PGR: variants seen among roughly 807,000 people sequenced by gnomAD.
The protein encoded by PGR is progesterone receptor.
PGR carries 25 observed loss-of-function variants against 76.1 expected under a neutral mutation model. That is an observed-to-expected ratio of 0.33 (90% confidence interval 0.24 to 0.46). PGR has a LOEUF of 0.46. Among genes scored for constraint, PGR ranks in the 20% least tolerant of loss-of-function variants. The pLI is 1.00. For synonymous variants in PGR, 579 were observed against 535.0 expected, an observed-to-expected ratio of 1.08 and a Z score of -1.14; for missense variants, 1,172 against 1,225.3, an observed-to-expected ratio of 0.96 and a Z score of 0.65.
chr11:101,113,502 C>T (rs886939425), intron 2 of PGR, among the ~76,000 whole-genome samples: 6 of 151,770 alleles, frequency 4.0e-5, no homozygotes, highest in East Asian at 1.9e-4. Flanking sequence ...GATCTCCTGA[C>T]CTCGTGATCT....
At chr11:101,093,713 C>T (rs1246977970) in intron 2 of PGR, among the ~76,000 whole-genome samples, 1 of 152,156 alleles carries the variant, frequency 6.6e-6, no homozygotes, top group Non-Finnish European at 1.5e-5. Flanking sequence ...CCCGCCTTGG[C>T]CTCCCAAAGT....
chr11:101,047,294 G>A (rs1859922554), intron 6 of PGR, among the ~76,000 whole-genome samples: 2 of 152,120 alleles, frequency 1.3e-5, no homozygotes, highest in African/African-American at 4.8e-5. Flanking sequence ...AAGGATATAA[G>A]CCAGTTTGGA....
chr11:101,126,187 T>G (rs1254966690), intron 1 of PGR, 29 bp from the exon 2 acceptor site: 1 of 1,609,588 alleles, frequency 6.2e-7, no homozygotes, highest in Non-Finnish European at 8.5e-7. Flanking sequence ...GTACTCCATT[T>G]ATTTTTAAGT....
chr11:101,103,328 T>C (rs939448343), intron 2 of PGR, among the ~76,000 whole-genome samples: 6 of 152,048 alleles, frequency 3.9e-5, no homozygotes, highest in East Asian at 1.9e-4. Flanking sequence ...CAGAATATAC[T>C]GGCTAGAGAA....
intron 2 of PGR, among the ~76,000 whole-genome samples, chr11:101,119,635 AG>A (rs781632131): frequency 6.6e-6 from 1 of 152,186 alleles, no homozygotes; most frequent in Non-Finnish European, 1.5e-5. Context: ...TTTTAAAAAA[AG>A]GTTGGCTGAG....
intron 2 of PGR, among the ~76,000 whole-genome samples, chr11:101,124,315 G>A (rs1381894905): frequency 6.6e-6 from 1 of 152,100 alleles, no homozygotes; most frequent in Non-Finnish European, 1.5e-5. Flanking sequence ...TTTAGTTAGG[G>A]TGCTCTTTGT....
chr11:101,094,745 G>A (rs776845607), intron 2 of PGR, among the ~76,000 whole-genome samples: 10 of 152,146 alleles, frequency 6.6e-5, no homozygotes, highest in Non-Finnish European at 1.3e-4. Context: ...TGATAATCAT[G>A]CATCTATTCT....
At chr11:101,066,904 G>C (rs1860738641) in intron 3 of PGR, among the ~76,000 whole-genome samples, 1 of 152,120 alleles carries the variant, frequency 6.6e-6, no homozygotes, top group Non-Finnish European at 1.5e-5. Context: ...TATGCTGGCT[G>C]GTTTCCCAGC....
Position 101,127,719 on chromosome 11 carries a change from G to C in PGR, c.1352C>G (p.Ala451Gly), listed in dbSNP as rs746718938. The change falls in exon 1 of 8, where the codon GCG becomes GGG. Residue 451 changes from alanine to glycine, a missense_variant. This residue lies in a region of PGR where 893 missense variants were observed against 785.9 expected (regional missense o/e 1.14). Coordinates refer to ENST00000325455, the MANE Select transcript of PGR (RefSeq NM_000926.4). Reference protein sequence around the residue: ...AAPASASVSSASSSGSTLECI... With the variant: ...AAPASASVSSGSSSGSTLECI... The stretch of plus-strand genomic sequence containing the variant: ...CTCCAGGGTCGACCCCGAGGAGGAC[G>C]CAGACGAGACTGAGGCACTGGCGGG... The C allele has an allele frequency of 6.3e-7, 1 of 1,585,414 alleles. No homozygotes were observed. The highest frequency in any genetic ancestry group is 1.3e-5 in the African/African-American group (1 of 74,898).
intron 3 of PGR, among the ~76,000 whole-genome samples, chr11:101,082,884 C>T (rs1436910313): frequency 2.0e-5 from 3 of 152,124 alleles, no homozygotes. Flanking sequence ...AAAACATTTC[C>T]TGGGGAGCAA....
chr11:101,128,346 C>A lies in PGR; in HGVS notation c.725G>T (p.Arg242Leu), dbSNP rs1173678519. 1.9e-6 allele frequency: 3 copies of A among 1,601,958 alleles called. No homozygotes were observed. The highest frequency in any genetic ancestry group is 1.7e-5 in the Admixed American group (1 of 59,834). ...TCCAGCCGCCGCGCCACCCAGAGCC[C>A]GAGGTTTGCCCTTCAGAAGCGGACC... ...SAGPLLKGKP[R>L]ALGGAAAGGG... is the part of the protein sequence containing the mutation. Residue 242 changes from arginine (R) to leucine (L), a missense_variant, in exon 1 of 8, where the codon CGG becomes CTG. Around this residue, in one of 4 missense-constraint regions of PGR, gnomAD observed 893 missense variants for 785.9 expected, o/e 1.14. Coordinates refer to ENST00000325455, the MANE Select transcript of PGR (RefSeq NM_000926.4).
chr11:101,129,017 C>T lies in PGR; in HGVS notation c.54G>A (p.Pro18=), dbSNP rs1183044197. ...GTGGGGATCCGACCTCGGGGGAGGG[C>T]GGGCCGCCCGCCACGTGGGGAGCCC... is the stretch of plus-strand genomic sequence containing the variant. The part of the protein sequence containing the change: ...GPRAPHVAGG[P]PSPEVGSPLL... The change falls in exon 1 of 8, where the codon CCG becomes CCA. Residue 18 remains proline (P), a synonymous_variant. Coordinates refer to ENST00000325455, the MANE Select transcript of PGR (RefSeq NM_000926.4). 2 of 1,567,504 alleles carry T rather than the reference C, an allele frequency of 1.3e-6. No individual in the cohort carries two copies. Among genetic ancestry groups the T allele is most frequent in the Middle Eastern group, 1.7e-4 (1 of 5,908 alleles).
At chr11:101,050,641 C>T (rs1448641231) in intron 5 of PGR, among the ~76,000 whole-genome samples, 2 of 152,064 alleles carry the variant, frequency 1.3e-5, no homozygotes, top group Non-Finnish European at 2.9e-5. Flanking sequence ...ATTTTCCCAA[C>T]CTTGTGTTGT....
intron 2 of PGR, among the ~76,000 whole-genome samples, chr11:101,122,024 G>A (rs1252744879): frequency 2.0e-5 from 3 of 151,842 alleles, no homozygotes; most frequent in Middle Eastern, 3.2e-3. Flanking sequence ...GCGTGGTGGG[G>A]GGCACCCGTA....
At position 101,089,579 on chromosome 11, in the gene PGR, T is replaced by C. The variant is rs1283217758; in HGVS notation, c.1906+2181A>G. Among the ~76,000 whole-genome samples the C allele has an allele frequency of 2.0e-5, 3 of 152,286 alleles. No homozygotes were observed. In the East Asian group the frequency reaches 5.8e-4, roughly 30 times the overall value. On this transcript the variant is annotated intron_variant, in intron 3 of 7. Transcript: ENST00000325455. ...GGGCAGGAATTTTGTCCATTTTCTT[T>C]GCTGCTATATGCGCAGAACTTAGAA...
rs565010979 is a variant in PGR at position 101,033,027 on chromosome 11, T to G, written c.*6089A>C. 7.7e-4 allele frequency: 149 copies of G among 194,464 alleles called. No individual in the cohort carries two copies. The highest frequency in any genetic ancestry group is 3.0e-3 in the African/African-American group (130 of 43,348). 12.0% of individuals were successfully genotyped at this position (194,464 alleles called of 1,614,324 possible). ...TAATCCTCTCAAAATACAAAGAACT[T>G]TGATATTTTCTTCTGTTTCTTTCAA... On this transcript the variant is annotated 3_prime_UTR_variant, in exon 8 of 8. Coordinates refer to ENST00000325455, the MANE Select transcript of PGR (RefSeq NM_000926.4).
chr11:101,105,530 G>A (rs1290734344), intron 2 of PGR, among the ~76,000 whole-genome samples: 1 of 149,334 alleles, frequency 6.7e-6, no homozygotes, highest in Non-Finnish European at 1.5e-5. Flanking sequence ...GAAGTTTTAG[G>A]GACCTTTTCA....
Position 101,029,668 on chromosome 11 carries a change from TAG to T in PGR, c.*9446_*9447del, listed in dbSNP as rs1163815387. On this transcript the variant is annotated 3_prime_UTR_variant, in exon 8 of 8. Coordinates refer to ENST00000325455, the MANE Select transcript of PGR (RefSeq NM_000926.4). ...TATTATCACACAGAATAACAAGAAT[TAG>T]AGTTAAATTCACAATATTTTTAAAG... The T allele has an allele frequency of 5.1e-6, 1 of 198,012 alleles. No homozygotes were observed. The allele number at this position is 198,012 out of a possible 1,614,324, so 12.3% of individuals were successfully genotyped here.
In PGR at chr11:101,031,959, AC is replaced by A. The variant is rs1237946270; in HGVS notation, c.*7156del. On this transcript the variant is annotated 3_prime_UTR_variant, in exon 8 of 8. Transcript: ENST00000325455. ...GTCTTACCCGTGTGTATAGACCTGG[AC>A]TTTGAGGTTGGACAGACATGCAAAG... is the stretch of plus-strand genomic sequence containing the variant. The A allele has an allele frequency of 1.7e-5, 4 of 232,084 alleles. No homozygotes were observed. The highest frequency in any genetic ancestry group is 8.8e-5 in the African/African-American group (4 of 45,276). 14.4% of individuals were successfully genotyped at this position (232,084 alleles called of 1,614,324 possible).
Sources: allele counts gnomAD v4.1 joint callset (sites outside exome capture counted in the v4.1 genomes callset), GRCh38; gene constraint gnomAD v4.1.1; regional missense constraint gnomAD v4.1.1; transcripts MANE v1.5; gene names NCBI Gene and HGNC (gene_info 2026-07-23, HGNC 2026-07-21).